The following USH2A variants were observed in gnomAD, a reference collection of about 807,000 sequenced individuals.
The protein encoded by USH2A is Usher syndrome 2A (autosomal recessive, mild).
USH2A carries 443 observed loss-of-function variants against 538.9 expected under a neutral mutation model. The observed-to-expected ratio is 0.82, with a 90% CI of 0.76 to 0.89. The LOEUF is 0.89. USH2A is among the 40% of genes least tolerant of loss of function. The pLI is 0.00. For synonymous variants in USH2A, 2,413 were observed against 2,273.5 expected (o/e 1.06, Z -1.75); for missense variants, 6,633 against 6,324.8 (o/e 1.05, Z -1.65).
chr1:215,773,566 C>T (rs1661365057), intron 55 of USH2A, among the ~76,000 whole-genome samples: 1 of 151,678 alleles, frequency 6.6e-6, no homozygotes, highest in Non-Finnish European at 1.5e-5. Flanking sequence ...AGGAGCTGCT[C>T]TCCTCTCTCC....
At chr1:216,333,391 G>A (rs1047892209) in intron 4 of USH2A, among the ~76,000 whole-genome samples, 50 of 152,116 alleles carry the variant, frequency 3.3e-4, no homozygotes, top group Non-Finnish European at 6.3e-4. Flanking sequence ...CTTGAATACA[G>A]GTCAATTGAG....
At position 215,674,988 on chromosome 1, in the gene USH2A, G is replaced by A. The variant is rs777350801; in HGVS notation, c.12923C>T (p.Pro4308Leu). ...GAAAGTCACAGGATCAAAGCTAAAA[G>A]GATAGAGCATTTCATTCCTTTGAAG... is the stretch of plus-strand genomic sequence containing the variant. The part of the protein sequence containing the change: ...YRLQRNEMLY[P>L]FSFDPVTFNY... The change falls in exon 63 of 72, where the codon CCT (proline) becomes CTT (leucine). Residue 4308 changes from proline to leucine, a missense_variant. By Grantham distance (98) the Pro-to-Leu change is moderately conservative. Transcript: ENST00000307340. 3 of 1,614,174 alleles carry A rather than the reference G, an allele frequency of 1.9e-6. No homozygotes were observed. In the African/African-American group the frequency reaches 4.0e-5, roughly 22 times the overall value.
At chr1:216,139,436 A>T (rs919515542) in intron 21 of USH2A, among the ~76,000 whole-genome samples, 8 of 152,084 alleles carry the variant, frequency 5.3e-5, no homozygotes, top group African/African-American at 1.9e-4. Flanking sequence ...AAAAAAAAAA[A>T]AGAAAAAATT....
chr1:216,190,996 A>G, intron 19 of USH2A, among the ~76,000 whole-genome samples: 1 of 152,062 alleles, frequency 6.6e-6, no homozygotes, highest in East Asian at 1.9e-4. Context: ...TATAATTTCA[A>G]ATGAAAATAG....
At chr1:215,672,513 A>T (rs1657851086) in intron 63 of USH2A, among the ~76,000 whole-genome samples, 1 of 152,176 alleles carries the variant, frequency 6.6e-6, no homozygotes, top group Admixed American at 6.5e-5. Flanking sequence ...TGTATGGTAG[A>T]TCTGACTTCT....
At chr1:216,105,113 C>A (rs1335643455) in intron 21 of USH2A, among the ~76,000 whole-genome samples, 3 of 152,044 alleles carry the variant, frequency 2.0e-5, no homozygotes, top group Non-Finnish European at 4.4e-5. Flanking sequence ...TAATGAGATA[C>A]CATCTCACAT....
intron 49 of USH2A, among the ~76,000 whole-genome samples, chr1:215,811,054 T>C (rs1662658304): frequency 6.6e-6 from 1 of 152,036 alleles, no homozygotes; most frequent in Admixed American, 6.6e-5. Flanking sequence ...AGTAAGAAAA[T>C]CCTGACACTG....
At chr1:216,083,882 AAGT>A (rs1165002134) in intron 25 of USH2A, among the ~76,000 whole-genome samples, 1 of 152,174 alleles carries the variant, frequency 6.6e-6, no homozygotes, top group African/African-American at 2.4e-5. Flanking sequence ...TATTAACAAT[AAGT>A]AGTTTGCATT....
rs77982870 is a variant in USH2A at position 215,842,963 on chromosome 1, A to T, written c.9258+1331T>A. Among the ~76,000 whole-genome samples the T allele has an allele frequency of 0.013, 1,971 of 152,286 alleles. 91 individuals are homozygous for T. The East Asian group carries it at 0.15, about 12-fold the overall frequency. ...ACATGTCCTGAACACGTATACAGGA[A>T]CTTAAAATAAAATACATTTAAATGA... On this transcript the variant is annotated intron_variant, in intron 46 of 71. Coordinates refer to ENST00000307340, the MANE Select transcript of USH2A (RefSeq NM_206933.4).
chr1:216,066,298 G>C (rs966332551), intron 30 of USH2A, among the ~76,000 whole-genome samples: 1 of 151,848 alleles, frequency 6.6e-6, no homozygotes, highest in African/African-American at 2.4e-5. Flanking sequence ...GTGAAACCCT[G>C]TCTCCACTAA....
chr1:216,381,998 G>C (rs2038930905), intron 3 of USH2A, among the ~76,000 whole-genome samples: 1 of 152,246 alleles, frequency 6.6e-6, no homozygotes, highest in Non-Finnish European at 1.5e-5. Flanking sequence ...TAGTTCATGG[G>C]TCAACTGTAT....
rs114681557 is a variant in USH2A, at chr1:215,695,133, C to G, written c.12067-14757G>C. On this transcript the variant is annotated intron_variant, in intron 61 of 71. Coordinates refer to ENST00000307340, the MANE Select transcript of USH2A (RefSeq NM_206933.4). ...TAGAGAGGTTATGAGACATTCTTAT[C>G]AATGGGATGTGAGAAGAAGGAATGT... Among the ~76,000 whole-genome samples, 5 of 152,290 alleles carry G rather than the reference C, an allele frequency of 3.3e-5. No homozygotes were observed. The South Asian group carries it at 6.2e-4, about 19-fold the overall frequency.
At chr1:216,018,570 A>G (rs1668771841) in intron 32 of USH2A, among the ~76,000 whole-genome samples, 2 of 152,168 alleles carry the variant, frequency 1.3e-5, no homozygotes, top group Admixed American at 6.5e-5. Flanking sequence ...CCCAAAGAGA[A>G]TCCAGAGGCT....
At chr1:216,042,702 A>T (rs1392836170) in intron 32 of USH2A, among the ~76,000 whole-genome samples, 1 of 152,120 alleles carries the variant, frequency 6.6e-6, no homozygotes, top group African/African-American at 2.4e-5. Context: ...CTGACTTCAG[A>T]CAGACAGAGT....
chr1:215,965,162 G>A (rs185231632), intron 37 of USH2A, among the ~76,000 whole-genome samples, 155 bp downstream of exon 37: 8 of 152,180 alleles, frequency 5.3e-5, no homozygotes, highest in African/African-American at 1.9e-4. Context: ...TCTGAGAACC[G>A]TCGGGCAGTA....
intron 21 of USH2A, among the ~76,000 whole-genome samples, chr1:216,148,378 C>G (rs1175809984): frequency 1.3e-5 from 2 of 152,028 alleles, no homozygotes; most frequent in East Asian, 3.9e-4. Flanking sequence ...TCATTGCCGC[C>G]CTTCTTCCCA....
At chr1:215,749,444 G>C (rs1571647709) in intron 58 of USH2A, among the ~76,000 whole-genome samples, 1 of 152,236 alleles carries the variant, frequency 6.6e-6, no homozygotes, top group East Asian at 1.9e-4. Context: ...AACAGAAAAT[G>C]CTCCTCTAAG....
chr1:216,230,851 G>C (rs139892507), intron 14 of USH2A, among the ~76,000 whole-genome samples: 355 of 150,648 alleles, frequency 2.4e-3, no homozygotes, highest in African/African-American at 8.3e-3. Context: ...GATTTAGTCT[G>C]AACTTTAGAC....
At chr1:216,052,189 T>G (rs1164306061) in intron 30 of USH2A, among the ~76,000 whole-genome samples, 1 of 152,108 alleles carries the variant, frequency 6.6e-6, no homozygotes, top group Non-Finnish European at 1.5e-5. Flanking sequence ...GTAGAGATCT[T>G]TACCAAATTG....
Sources: allele counts gnomAD v4.1 joint callset (sites outside exome capture counted in the v4.1 genomes callset), GRCh38; gene constraint gnomAD v4.1.1; transcripts MANE v1.5; gene names NCBI Gene and HGNC (gene_info 2026-07-23, HGNC 2026-07-21).